The following PAICS variants were observed in gnomAD, a reference collection of about 807,000 sequenced individuals.
PAICS encodes bifunctional phosphoribosylaminoimidazole carboxylase/phosphoribosylaminoimidazole succinocarboxamide synthetase.
PAICS carries 33 observed loss-of-function variants against 53.7 expected under a neutral mutation model. That is an observed-to-expected ratio of 0.61 (90% CI 0.47 to 0.82). The LOEUF is 0.82. Ranked by LOEUF, PAICS falls within the 40% of genes least tolerant of loss-of-function variation. The pLI, the probability that PAICS is intolerant of heterozygous loss-of-function variation, is 0.00. For missense variants in PAICS, 394 were observed against 494.1 expected, an observed-to-expected ratio of 0.80 and a Z score of 1.92; for synonymous variants, 141 against 167.2, an observed-to-expected ratio of 0.84 and a Z score of 1.21.
intron 8 of PAICS, among the ~76,000 whole-genome samples, chr4:56,455,138 G>A (rs900331087): frequency 2.0e-5 from 3 of 152,130 alleles, no homozygotes; most frequent in Non-Finnish European, 4.4e-5. Flanking sequence ...GCAACAGAGT[G>A]AGACTCGGTC....
At chr4:56,431,913 G>A (rs1717602583), upstream of PAICS, among the ~76,000 whole-genome samples, 5 of 152,246 alleles carry the variant, frequency 3.3e-5, no homozygotes, top group South Asian at 1.0e-3. Context: ...CCACACACAT[G>A]CATGCACAGT....
chr4:56,459,309 T>C, intron 8 of PAICS, 63 bp from the exon 9 acceptor site: 1 of 1,208,706 alleles, frequency 8.3e-7, no homozygotes. Flanking sequence ...AAATTTTTTG[T>C]AAGGTTGTAT....
chr4:56,410,582 G>GA, the PAICS span: 8 of 985,756 alleles, frequency 8.1e-6, no homozygotes, highest in Middle Eastern at 2.9e-4. Context: ...TGTCTGGGCA[G>GA]AAAAAAATAT....
At chr4:56,412,899 C>T in the PAICS span, among the ~76,000 whole-genome samples, 2 of 152,114 alleles carry the variant, frequency 1.3e-5, no homozygotes, top group Non-Finnish European at 2.9e-5. Context: ...ATTATAAGCA[C>T]ATTAACATTT....
At chr4:56,412,743 CTA>C in the PAICS span, among the ~76,000 whole-genome samples, 1 of 152,182 alleles carries the variant, frequency 6.6e-6, no homozygotes, top group Non-Finnish European at 1.5e-5. Flanking sequence ...TCTCTCTGCT[CTA>C]TTCTCATTAT....
At chr4:56,418,898 T>A in the PAICS span, among the ~76,000 whole-genome samples, 1 of 152,328 alleles carries the variant, frequency 6.6e-6, no homozygotes, top group Non-Finnish European at 1.5e-5. Flanking sequence ...ACATACTGCC[T>A]AGGAACAAGG....
the PAICS span, among the ~76,000 whole-genome samples, chr4:56,426,794 C>T: frequency 6.6e-6 from 1 of 152,014 alleles, no homozygotes; most frequent in East Asian, 1.9e-4. Flanking sequence ...ACCATTATAC[C>T]CATAAGTACG....
At chr4:56,438,380 T>TATATATATATATATATATATATATAA (rs1718144845) in intron 1 of PAICS, among the ~76,000 whole-genome samples, 2 of 66,428 alleles carry the variant, frequency 3.0e-5, no homozygotes, top group Non-Finnish European at 5.3e-5. Flanking sequence ...TTTATATATA[T>TATATATATATATATATATATATATAA]ATATATATAT....
the PAICS span, among the ~76,000 whole-genome samples, chr4:56,417,833 TG>T: frequency 8.7e-6 from 1 of 115,416 alleles, no homozygotes; most frequent in African/African-American, 3.3e-5. Context: ...TTTGAAGATT[TG>T]GTTTTTTGTT....
At chr4:56,445,578 CA>C (rs1256890050) in intron 2 of PAICS, among the ~76,000 whole-genome samples, 1 of 149,330 alleles carries the variant, frequency 6.7e-6, no homozygotes, top group Admixed American at 6.7e-5. Context: ...CACTTTGTCT[CA>C]AAAAAAAACC....
chr4:56,434,660 G>T (rs1468762721), upstream of PAICS, among the ~76,000 whole-genome samples: 1 of 152,124 alleles, frequency 6.6e-6, no homozygotes, highest in Non-Finnish European at 1.5e-5. Flanking sequence ...TATTACCAAC[G>T]TTTTCATTCA....
chr4:56,440,088 G>T (rs1718260798), intron 1 of PAICS, among the ~76,000 whole-genome samples: 1 of 152,166 alleles, frequency 6.6e-6, no homozygotes, highest in African/African-American at 2.4e-5. Flanking sequence ...AGCTCTTCTT[G>T]GGTTAAAGTC....
Position 56,463,663 on chromosome 4 carries a change from A to G in PAICS, c.*4125A>G, listed in dbSNP as rs1251269984. On this transcript the variant is annotated 3_prime_UTR_variant, in exon 9 of 9. Transcript: ENST00000512576. ...AGCTGAGATCGAACCATTGCACTCC[A>G]GCCTGGGCAACAAGAGCGAAAATCT... is the stretch of plus-strand genomic sequence containing the variant. The G allele has an allele frequency of 6.7e-6, 1 of 149,726 alleles. No individual in the cohort carries two copies. Among genetic ancestry groups the G allele is most frequent in the Non-Finnish European group, 1.5e-5 (1 of 67,854 alleles). The allele number at this position is 149,726 out of a possible 1,614,324, so 9.3% of individuals were successfully genotyped here. A position where few individuals can be genotyped will look rare whatever the true frequency, so the allele number is the denominator to read the frequency against.
At chr4:56,431,651 T>C, upstream of PAICS, 1 of 304,460 alleles carries the variant, frequency 3.3e-6, no homozygotes, top group Non-Finnish European at 4.8e-6. Flanking sequence ...GGCATGGTTA[T>C]CTCCTAATCA....
intron 8 of PAICS, among the ~76,000 whole-genome samples, chr4:56,455,568 C>T (rs765060118): frequency 6.6e-5 from 10 of 152,246 alleles, no homozygotes; most frequent in Non-Finnish European, 1.5e-4. Context: ...CATTCTTGAA[C>T]TTGGGGGCAA....
rs756911104 is a variant in PAICS at position 56,457,662 on chromosome 4, GTT to G, written c.1112-1690_1112-1689del. Among the ~76,000 whole-genome samples, 575 of 127,888 alleles carry G rather than the reference GTT, an allele frequency of 4.5e-3. 4 individuals carry two copies. Among genetic ancestry groups the G allele is most frequent in the African/African-American group, 0.013 (461 of 34,266 alleles). The allele number at this position is 127,888 out of a possible 152,430, so 83.9% of individuals were successfully genotyped here. On this transcript the variant is annotated intron_variant, in intron 8 of 8. Transcript: ENST00000512576. The stretch of plus-strand genomic sequence containing the variant: ...TTCCCTGCTTTCAGTTTAGAATTAA[GTT>G]TTTTTTTTTTTTTTTTTTTAAATGG...
chr4:56,431,272 AAAGT>A (rs766284527), upstream of PAICS: 4 of 179,878 alleles, frequency 2.2e-5, no homozygotes, highest in Non-Finnish European at 3.2e-5. Flanking sequence ...TTGGCAGCCC[AAAGT>A]AAGTTCTCTG....
At chr4:56,439,640 A>G (rs1560657160) in intron 1 of PAICS, among the ~76,000 whole-genome samples, 1 of 151,912 alleles carries the variant, frequency 6.6e-6, no homozygotes, top group Non-Finnish European at 1.5e-5. Context: ...CCTTAGACCA[A>G]GACATTTCTT....
the PAICS span, among the ~76,000 whole-genome samples, chr4:56,428,173 T>G: frequency 1.3e-5 from 2 of 152,238 alleles, no homozygotes; most frequent in African/African-American, 4.8e-5. Context: ...CCATCACAGT[T>G]GCTTTAAGTG....
Sources: allele counts gnomAD v4.1 joint callset (sites outside exome capture counted in the v4.1 genomes callset), GRCh38; gene constraint gnomAD v4.1.1; transcripts MANE v1.5; gene names NCBI Gene and HGNC (gene_info 2026-07-23, HGNC 2026-07-21).